PKHD1: variants seen among roughly 807,000 people sequenced by gnomAD.
The protein encoded by PKHD1 is fibrocystin.
PKHD1 carries 291 observed loss-of-function variants against 412.0 expected under a neutral mutation model. That is an observed-to-expected ratio of 0.71 (90% confidence interval 0.64 to 0.78). PKHD1 has a LOEUF of 0.78. PKHD1 is among the 30% of genes least tolerant of loss of function. PKHD1 has a pLI of 0.00. For synonymous variants in PKHD1, 1,777 were observed against 1,821.5 expected (o/e 0.98, Z 0.62); for missense variants, 4,825 against 4,950.7 (o/e 0.97, Z 0.76).
intron 20 of PKHD1, 22 bp downstream of exon 20, chr6:52,054,016 C>A (rs375534282): frequency 1.9e-6 from 3 of 1,613,298 alleles, no homozygotes; most frequent in African/African-American, 2.7e-5. Flanking sequence ...ATTCCCACCA[C>A]GCCTCCCCAC....
intron 55 of PKHD1, among the ~76,000 whole-genome samples, chr6:51,765,615 T>C (rs1788859912): frequency 6.6e-6 from 1 of 152,114 alleles, no homozygotes; most frequent in African/African-American, 2.4e-5. Flanking sequence ...AATGGTACCC[T>C]TCACATTTTC....
rs368093611 is a variant in PKHD1 at position 51,836,392 on chromosome 6, G to A, written c.8173+12C>T. 192 of 1,577,798 alleles carry A rather than the reference G, an allele frequency of 1.2e-4. No homozygotes were observed. Among genetic ancestry groups the A allele is most frequent in the Non-Finnish European group, 1.5e-4 (167 of 1,147,172 alleles). On this transcript the variant is annotated intron_variant, in intron 51 of 66. Coordinates refer to ENST00000371117, the MANE Select transcript of PKHD1 (RefSeq NM_138694.4). ...CATACTAGACACTTCTACTTCGTGTGTTAATACTCACCTGAAATAGTTGGG... is the reference window on the plus strand; with the variant it reads ...CATACTAGACACTTCTACTTCGTGTATTAATACTCACCTGAAATAGTTGGG...
intron 60 of PKHD1, among the ~76,000 whole-genome samples, chr6:51,739,062 G>A (rs931419165): frequency 8.9e-5 from 13 of 145,338 alleles, no homozygotes; most frequent in Admixed American, 2.7e-4. Context: ...TTATATATAC[G>A]TATTTTATAT....
intron 60 of PKHD1, among the ~76,000 whole-genome samples, chr6:51,665,679 T>C (rs1260447345): frequency 6.6e-6 from 1 of 152,106 alleles, no homozygotes; most frequent in Non-Finnish European, 1.5e-5. Context: ...GATGTAATAA[T>C]TCAGAGTCTC....
At chr6:51,718,973 T>C (rs753333054) in intron 60 of PKHD1, among the ~76,000 whole-genome samples, 4 of 152,190 alleles carry the variant, frequency 2.6e-5, no homozygotes, top group Non-Finnish European at 4.4e-5. Flanking sequence ...TGATATTTCA[T>C]GGCTTTATTT....
At chr6:52,085,553 AG>A (rs1182531697) in intron 1 of PKHD1, among the ~76,000 whole-genome samples, 26 of 152,170 alleles carry the variant, frequency 1.7e-4, no homozygotes, top group Admixed American at 1.7e-3. Context: ...GGTGCTGCTC[AG>A]GAGCCCCTCC....
At chr6:51,755,980 C>T (rs1786941707) in intron 55 of PKHD1, among the ~76,000 whole-genome samples, 1 of 151,690 alleles carries the variant, frequency 6.6e-6, no homozygotes, top group Non-Finnish European at 1.5e-5. Context: ...CTGTGTAATA[C>T]CATGGGAGTA....
At chr6:51,781,037 T>A (rs1402840857) in intron 53 of PKHD1, among the ~76,000 whole-genome samples, 1 of 152,154 alleles carries the variant, frequency 6.6e-6, no homozygotes, top group Non-Finnish European at 1.5e-5. Context: ...GGTTAAATGG[T>A]GTTTACTTTG....
chr6:51,668,178 G>A (rs1230674185), intron 60 of PKHD1, among the ~76,000 whole-genome samples: 1 of 152,122 alleles, frequency 6.6e-6, no homozygotes, highest in Non-Finnish European at 1.5e-5. Context: ...CTACCCATGA[G>A]CATGGAATGT....
rs1363053926 is a variant in PKHD1, at chr6:51,912,464, G to C, written c.6234C>G (p.Ile2078Met). The change falls in exon 38 of 67, where the codon ATC (isoleucine) becomes ATG (methionine). Residue 2078 changes from isoleucine to methionine, a missense_variant. Physicochemically the swap from Ile to Met is conservative, Grantham distance 10 (BLOSUM62 1). Transcript: ENST00000371117. The stretch of plus-strand genomic sequence containing the variant: ...CACCTTTAACACCTGTTCCACTGAT[G>C]ATGACAACTTCATCCCCAGGGTTCC... ...VDWNPGDEVV[I>M]ISGTGVKGAK... 1 of 1,612,772 alleles carries C rather than the reference G, an allele frequency of 6.2e-7. No homozygotes were observed. Among genetic ancestry groups the C allele is most frequent in the Non-Finnish European group, 8.5e-7 (1 of 1,178,966 alleles).
At chr6:51,699,632 A>G (rs73738156) in intron 60 of PKHD1, among the ~76,000 whole-genome samples, 5,178 of 152,274 alleles carry the variant, frequency 0.034, 241 homozygotes, top group African/African-American at 0.098. Flanking sequence ...ATATAACTTT[A>G]TAAGTAACTG....
intron 60 of PKHD1, chr6:51,720,936 T>A: frequency 1.0e-6 from 1 of 962,052 alleles, no homozygotes; most frequent in Non-Finnish European, 1.2e-6. Flanking sequence ...AGTTAATAAA[T>A]GAGTAAATGT....
intron 60 of PKHD1, among the ~76,000 whole-genome samples, chr6:51,723,043 T>C (rs1041434660): frequency 6.6e-6 from 1 of 152,216 alleles, no homozygotes; most frequent in African/African-American, 2.4e-5. Context: ...ATTTCTTTTC[T>C]AGCTAATTTT....
At chr6:52,048,667 A>C in intron 22 of PKHD1, 48 bp from the exon 23 acceptor site, 1 of 1,609,508 alleles carries the variant, frequency 6.2e-7, no homozygotes, top group African/African-American at 1.3e-5. Context: ...TGGGGTGTGC[A>C]CCTAGGAGGA....
chr6:51,906,239 T>C lies in PKHD1; in HGVS notation c.6784A>G (p.Ile2262Val). ...CCAACTAGCAGCGCATGACCTAAAA[T>C]ATTGTAGAATACATTACTGTCCACC... ...LKVDSNVFYN[I>V]LGHALLVGTC... The change falls in exon 41 of 67, where the codon ATT (isoleucine) becomes GTT (valine). Residue 2262 changes from isoleucine to valine, a missense_variant. Transcript: ENST00000371117. 1.2e-6 allele frequency: 2 copies of C among 1,612,018 alleles called. No individual in the cohort carries two copies. The highest frequency in any genetic ancestry group is 1.7e-6 in the Non-Finnish European group (2 of 1,178,356).
chr6:51,759,063 T>A (rs1299513481), intron 55 of PKHD1, among the ~76,000 whole-genome samples: 1 of 152,150 alleles, frequency 6.6e-6, no homozygotes, highest in African/African-American at 2.4e-5. Context: ...TGAACTCTAC[T>A]AATATTTAGT....
chr6:51,705,061 T>C (rs761860707), intron 60 of PKHD1, among the ~76,000 whole-genome samples: 2 of 151,964 alleles, frequency 1.3e-5, no homozygotes, highest in Non-Finnish European at 2.9e-5. Context: ...GCTTGAAGAT[T>C]TGTTTGCATA....
chr6:51,671,357 G>A (rs1206121181), intron 60 of PKHD1, among the ~76,000 whole-genome samples: 1 of 152,124 alleles, frequency 6.6e-6, no homozygotes, highest in Non-Finnish European at 1.5e-5. Context: ...TGAGGGTTCC[G>A]CATTCTTCAC....
chr6:51,831,063 G>T, intron 51 of PKHD1, 74 bp from the exon 52 acceptor site: 2 of 1,140,040 alleles, frequency 1.8e-6, no homozygotes, highest in South Asian at 1.3e-5. Flanking sequence ...ATTTTAGGAT[G>T]CTAGTGGTAT....
Sources: allele counts gnomAD v4.1 joint callset (sites outside exome capture counted in the v4.1 genomes callset), GRCh38; gene constraint gnomAD v4.1.1; transcripts MANE v1.5; gene names NCBI Gene and HGNC (gene_info 2026-07-23, HGNC 2026-07-21).